NLGN1: variants seen among roughly 807,000 people sequenced by gnomAD.
The protein encoded by NLGN1 is neuroligin-1.
NLGN1 carries 12 observed loss-of-function variants against 65.5 expected under a neutral mutation model. The observed-to-expected ratio is 0.18, with a 90% CI of 0.12 to 0.30. NLGN1 has a LOEUF of 0.30. Among genes scored for constraint, NLGN1 ranks in the 10% least tolerant of loss-of-function variants. The pLI, the probability that NLGN1 is intolerant of heterozygous loss-of-function variation, is 1.00. For missense variants in NLGN1, 750 were observed against 1,007.1 expected, an observed-to-expected ratio of 0.74 and a Z score of 3.46; for synonymous variants, 350 against 359.5, an observed-to-expected ratio of 0.97 and a Z score of 0.30.
At chr3:173,574,993 T>G (rs2149344523) in intron 2 of NLGN1, among the ~76,000 whole-genome samples, 1 of 152,220 alleles carries the variant, frequency 6.6e-6, no homozygotes, top group East Asian at 1.9e-4. Context: ...TGAGTGATCC[T>G]CCCGCCTCAG....
intron 3 of NLGN1, among the ~76,000 whole-genome samples, chr3:173,664,712 G>A (rs1262150105): frequency 1.3e-5 from 2 of 152,116 alleles, no homozygotes; most frequent in East Asian, 3.9e-4. Flanking sequence ...TGCCTTATGT[G>A]TTATTATGTA....
intron 2 of NLGN1, among the ~76,000 whole-genome samples, chr3:173,493,744 G>A (rs1410787768): frequency 6.6e-6 from 1 of 151,710 alleles, no homozygotes; most frequent in Admixed American, 6.6e-5. Flanking sequence ...AGGCAGTGTA[G>A]CACAAGAATT....
chr3:173,915,875 T>G (rs1049911808), intron 4 of NLGN1, among the ~76,000 whole-genome samples: 2 of 152,142 alleles, frequency 1.3e-5, no homozygotes, highest in African/African-American at 4.8e-5. Context: ...ATGCAAAGCC[T>G]ATACTAGTCT....
intron 4 of NLGN1, among the ~76,000 whole-genome samples, chr3:173,835,047 T>C (rs1265380523): frequency 6.6e-6 from 1 of 152,194 alleles, no homozygotes; most frequent in Non-Finnish European, 1.5e-5. Context: ...TGATAACTAA[T>C]AATCCCTCTA....
intron 3 of NLGN1, among the ~76,000 whole-genome samples, chr3:173,763,428 T>C (rs1778295783): frequency 6.6e-6 from 1 of 152,142 alleles, no homozygotes; most frequent in African/African-American, 2.4e-5. Flanking sequence ...TCATGCCCTG[T>C]TGAATAAAAT....
At chr3:173,640,141 T>C (rs1757181365) in intron 3 of NLGN1, among the ~76,000 whole-genome samples, 1 of 152,160 alleles carries the variant, frequency 6.6e-6, no homozygotes, top group African/African-American at 2.4e-5. Flanking sequence ...ATGTAACATA[T>C]AAAGGATAAA....
intron 4 of NLGN1, among the ~76,000 whole-genome samples, chr3:174,082,590 A>G (rs1213749592): frequency 2.0e-5 from 3 of 151,912 alleles, no homozygotes; most frequent in Non-Finnish European, 4.4e-5. Flanking sequence ...TGTATATACA[A>G]TAGTAAAAGA....
At chr3:173,799,608 G>A (rs1475646468) in intron 3 of NLGN1, among the ~76,000 whole-genome samples, 6 of 151,858 alleles carry the variant, frequency 4.0e-5, no homozygotes, top group Admixed American at 1.3e-4. Context: ...TCTACTGATC[G>A]AACTTTTGCT....
chr3:173,915,848 T>C (rs1740624996), intron 4 of NLGN1, among the ~76,000 whole-genome samples: 2 of 152,176 alleles, frequency 1.3e-5, no homozygotes, highest in South Asian at 4.1e-4. Flanking sequence ...TAGCTTTTTT[T>C]TCATATTTAT....
intron 2 of NLGN1, among the ~76,000 whole-genome samples, chr3:173,549,116 C>T (rs1740415857): frequency 6.6e-6 from 1 of 151,892 alleles, no homozygotes; most frequent in African/African-American, 2.4e-5. Context: ...GTACTGAAGA[C>T]TACAAATATG....
At chr3:173,834,027 G>GA (rs1723118485) in intron 4 of NLGN1, among the ~76,000 whole-genome samples, 1 of 151,740 alleles carries the variant, frequency 6.6e-6, no homozygotes, top group African/African-American at 2.4e-5. Context: ...TTAGTATGTA[G>GA]AAAATAAGAC....
At chr3:174,069,299 G>T (rs1367952317) in intron 4 of NLGN1, among the ~76,000 whole-genome samples, 3 of 152,122 alleles carry the variant, frequency 2.0e-5, no homozygotes, top group Non-Finnish European at 4.4e-5. Context: ...ATAATAAAAA[G>T]TTTTTCCTGT....
intron 4 of NLGN1, among the ~76,000 whole-genome samples, chr3:174,025,857 G>A (rs1042208233): frequency 1.3e-5 from 2 of 152,120 alleles, no homozygotes; most frequent in Non-Finnish European, 2.9e-5. Flanking sequence ...ATTTAGCTGT[G>A]TAAAATTCTT....
chr3:173,835,335 T>A (rs1358421281), intron 4 of NLGN1, among the ~76,000 whole-genome samples: 3 of 152,128 alleles, frequency 2.0e-5, no homozygotes, highest in African/African-American at 7.2e-5. Flanking sequence ...GAGGAAAGGC[T>A]TTTTAATAAA....
chr3:173,952,123 A>G (rs1262209147), intron 4 of NLGN1, among the ~76,000 whole-genome samples: 1 of 152,190 alleles, frequency 6.6e-6, no homozygotes, highest in Admixed American at 6.5e-5. Flanking sequence ...TCCATTCATC[A>G]GTCTATATAC....
intron 4 of NLGN1, among the ~76,000 whole-genome samples, chr3:173,973,697 G>T (rs774471444): frequency 9.9e-5 from 15 of 151,816 alleles, no homozygotes; most frequent in Non-Finnish European, 2.2e-4. Flanking sequence ...TAATTAAATT[G>T]ATTATATTTT....
chr3:173,618,644 A>G (rs1753512054), intron 3 of NLGN1, among the ~76,000 whole-genome samples: 1 of 152,130 alleles, frequency 6.6e-6, no homozygotes. Context: ...TGTCCCCAAA[A>G]CAGCTGATAA....
intron 2 of NLGN1, among the ~76,000 whole-genome samples, chr3:173,522,728 T>G (rs928146010): frequency 6.6e-6 from 1 of 152,050 alleles, no homozygotes; most frequent in Non-Finnish European, 1.5e-5. Flanking sequence ...CCACCCTGCC[T>G]GGCCATTGTT....
intron 4 of NLGN1, among the ~76,000 whole-genome samples, chr3:173,936,155 A>C (rs754789403): frequency 1.3e-4 from 20 of 151,792 alleles, no homozygotes; most frequent in Non-Finnish European, 2.7e-4. Flanking sequence ...CAAAATTGAC[A>C]TAAAATAAGT....
Sources: gnomAD v4.1 joint callset for allele counts (sites outside exome capture counted in the v4.1 genomes callset) on GRCh38, gnomAD v4.1.1 for gene constraint, MANE v1.5 for transcripts, NCBI Gene and HGNC (gene_info 2026-07-23, HGNC 2026-07-21) for gene names.